ULK4: variants seen among roughly 807,000 people sequenced by gnomAD.
ULK4 encodes the protein inactive serine/threonine-protein kinase ULK4.
In ULK4, 133 loss-of-function variants were observed where a neutral mutation model predicts 160.6. That is an observed-to-expected ratio of 0.83 (90% CI 0.72 to 0.96). ULK4 has a LOEUF of 0.96. Among genes scored for constraint, ULK4 ranks in the 40% least tolerant of loss-of-function variants. The pLI is 0.00. For synonymous variants in ULK4, 534 were observed against 539.8 expected, an observed-to-expected ratio of 0.99 and a Z score of 0.15; for missense variants, 1,580 against 1,499.5, an observed-to-expected ratio of 1.05 and a Z score of -0.89.
intron 32 of ULK4, among the ~76,000 whole-genome samples, chr3:41,534,626 G>A (rs2125944538): frequency 6.6e-6 from 1 of 152,016 alleles, no homozygotes; most frequent in South Asian, 2.1e-4. Flanking sequence ...ATGAACTGAG[G>A]CAACAGACAC....
At chr3:41,400,300 C>G (rs1207573088) in intron 34 of ULK4, among the ~76,000 whole-genome samples, 1 of 148,652 alleles carries the variant, frequency 6.7e-6, no homozygotes, top group African/African-American at 2.5e-5. Context: ...ACAACCACCA[C>G]CACCAAGAAA....
At chr3:41,768,040 G>C (rs2039225894) in intron 21 of ULK4, among the ~76,000 whole-genome samples, 2 of 152,152 alleles carry the variant, frequency 1.3e-5, no homozygotes. Flanking sequence ...CAGATCAGTG[G>C]AGCCAACAGA....
At chr3:41,403,265 A>C (rs981268250) in intron 34 of ULK4, among the ~76,000 whole-genome samples, 3 of 152,160 alleles carry the variant, frequency 2.0e-5, no homozygotes, top group Non-Finnish European at 4.4e-5. Context: ...GGAGTATTAA[A>C]TTATAAATTC....
intron 34 of ULK4, among the ~76,000 whole-genome samples, chr3:41,420,414 G>C (rs928660727): frequency 6.8e-6 from 1 of 148,036 alleles, no homozygotes; most frequent in Admixed American, 6.7e-5. Context: ...TTTATTTTTG[G>C]CCATTTTATA....
intron 17 of ULK4, among the ~76,000 whole-genome samples, chr3:41,856,799 G>A (rs1386620748): frequency 6.6e-6 from 1 of 151,498 alleles, no homozygotes; most frequent in Non-Finnish European, 1.5e-5. Flanking sequence ...CCAGCTACTT[G>A]GGAGGCTATG....
Position 41,757,693 on chromosome 3 carries a change from G to A in ULK4, c.2194-3205C>T, listed in dbSNP as rs1313717419. Among the ~76,000 whole-genome samples, 153 of 151,250 alleles carry A rather than the reference G, an allele frequency of 1.0e-3. 3 individuals carry two copies. The highest frequency in any genetic ancestry group is 9.9e-3 in the Admixed American group (151 of 15,200). ...CTGTCGCCCAGGCTGGAGTGCAGTG[G>A]TGCAATCTCGGCTCACTGTAACCTC... On this transcript the variant is annotated intron_variant, in intron 21 of 36. Transcript: ENST00000301831.
chr3:41,613,285 G>A (rs1040567186), intron 31 of ULK4, among the ~76,000 whole-genome samples: 1 of 152,076 alleles, frequency 6.6e-6, no homozygotes, highest in Non-Finnish European at 1.5e-5. Context: ...ATTAAACTAT[G>A]ACACGGTTTC....
intron 12 of ULK4, 58 bp from the exon 13 acceptor site, chr3:41,900,887 A>T: frequency 7.9e-7 from 1 of 1,265,254 alleles, no homozygotes; most frequent in Admixed American, 1.7e-5. Flanking sequence ...TCTTTAAAAC[A>T]CTGAACCAGT....
At chr3:41,479,697 G>A (rs2084254417) in intron 32 of ULK4, among the ~76,000 whole-genome samples, 1 of 152,170 alleles carries the variant, frequency 6.6e-6, no homozygotes, top group Admixed American at 6.5e-5. Context: ...TAGGGCAGAA[G>A]AGTAGAGAGA....
intron 18 of ULK4, among the ~76,000 whole-genome samples, chr3:41,829,956 C>T (rs1027550690): frequency 3.3e-5 from 5 of 151,788 alleles, no homozygotes; most frequent in Non-Finnish European, 5.9e-5. Flanking sequence ...CCATGGAATA[C>T]TATGCAGCCA....
chr3:41,682,297 C>T (rs986841237), intron 27 of ULK4, among the ~76,000 whole-genome samples: 1 of 152,150 alleles, frequency 6.6e-6, no homozygotes, highest in Non-Finnish European at 1.5e-5. Flanking sequence ...ACTATACAAA[C>T]CACCCCTGTG....
At chr3:41,923,942 A>G (rs1023867269) in intron 5 of ULK4, among the ~76,000 whole-genome samples, 3 of 152,160 alleles carry the variant, frequency 2.0e-5, no homozygotes, top group African/African-American at 7.2e-5. Context: ...CTGTCCCTGA[A>G]TTTGGGAACT....
chr3:41,272,343 GTTTTTTTTTTTT>G (rs3038324), intron 35 of ULK4, among the ~76,000 whole-genome samples: 4 of 95,478 alleles, frequency 4.2e-5, no homozygotes, highest in South Asian at 3.9e-4. Context: ...AATTTTGAAA[GTTTTTTTTTTTT>G]TTTTTTTTTT....
chr3:41,438,210 C>A (rs1355245870), intron 34 of ULK4, among the ~76,000 whole-genome samples: 1 of 150,796 alleles, frequency 6.6e-6, no homozygotes, highest in Non-Finnish European at 1.5e-5. Context: ...CTTGCTGTTT[C>A]TCCAGCCTCA....
chr3:41,326,641 T>C (rs2080344740), intron 35 of ULK4, among the ~76,000 whole-genome samples: 1 of 152,130 alleles, frequency 6.6e-6, no homozygotes, highest in African/African-American at 2.4e-5. Flanking sequence ...GAAATGTGTT[T>C]TTTGGCAGTC....
intron 31 of ULK4, among the ~76,000 whole-genome samples, chr3:41,576,019 T>C (rs1025235428): frequency 6.6e-6 from 1 of 152,206 alleles, no homozygotes; most frequent in Non-Finnish European, 1.5e-5. Flanking sequence ...GCCCCTTTTA[T>C]GTATCTGCCT....
rs898154058 is a variant in ULK4 at position 41,342,544 on chromosome 3, C to CA, written c.3678+55534dup. Among the ~76,000 whole-genome samples the CA allele has an allele frequency of 3.3e-5, 5 of 151,894 alleles. No homozygotes were observed. In the East Asian group the frequency reaches 5.8e-4, roughly 18 times the overall value. Reference sequence around the variant, plus strand: ...AGGTTGTAATAAATAGCCTACCAACCAAAAAAAGCCCAGGACCAGATAGAT... The same window carrying CA: ...AGGTTGTAATAAATAGCCTACCAACCAAAAAAAAGCCCAGGACCAGATAGAT... On this transcript the variant is annotated intron_variant, in intron 35 of 36. Coordinates refer to ENST00000301831, the MANE Select transcript of ULK4 (RefSeq NM_017886.4).
intron 35 of ULK4, among the ~76,000 whole-genome samples, chr3:41,351,122 T>C (rs1193618216): frequency 2.0e-5 from 3 of 152,168 alleles, no homozygotes; most frequent in Non-Finnish European, 2.9e-5. Flanking sequence ...AGTCAAGTCT[T>C]GTAAGAGTCG....
At chr3:41,521,283 T>TA (rs1348157823) in intron 32 of ULK4, among the ~76,000 whole-genome samples, 1 of 152,194 alleles carries the variant, frequency 6.6e-6, no homozygotes, top group Non-Finnish European at 1.5e-5. Context: ...CTTCTGATAG[T>TA]ATGATCTGGG....
Sources: allele counts gnomAD v4.1 joint callset (sites outside exome capture counted in the v4.1 genomes callset), GRCh38; gene constraint gnomAD v4.1.1; transcripts MANE v1.5; gene names NCBI Gene and HGNC (gene_info 2026-07-23, HGNC 2026-07-21).